The following FGF2 variants were observed in gnomAD, a reference collection of about 807,000 sequenced individuals.
The protein encoded by FGF2 is fibroblast growth factor 2.
FGF2 carries 13 observed loss-of-function variants against 15.9 expected under a neutral mutation model. That is an observed-to-expected ratio of 0.82 (90% CI 0.53 to 1.30). FGF2 has a LOEUF of 1.30. Ranked by LOEUF, FGF2 falls within the 50% of genes most tolerant of loss-of-function variation. FGF2 has a pLI of 0.00. For synonymous variants in FGF2, 90 were observed against 78.4 expected (o/e 1.15, Z -0.78); for missense variants, 163 against 196.9 (o/e 0.83, Z 1.03).
chr4:122,881,485 C>T (rs993203005), intron 2 of FGF2, among the ~76,000 whole-genome samples: 10 of 152,196 alleles, frequency 6.6e-5, no homozygotes, highest in Non-Finnish European at 1.0e-4. Flanking sequence ...TAAATCATAT[C>T]TCTCAAGTTC....
chr4:122,829,300 T>G (rs1725711355), intron 1 of FGF2, among the ~76,000 whole-genome samples: 1 of 152,216 alleles, frequency 6.6e-6, no homozygotes, highest in Non-Finnish European at 1.5e-5. Context: ...AGGGGACATT[T>G]GACAATGCCT....
At chr4:122,870,313 G>A (rs1009351021) in intron 1 of FGF2, among the ~76,000 whole-genome samples, 1 of 152,136 alleles carries the variant, frequency 6.6e-6, no homozygotes, top group African/African-American at 2.4e-5. Context: ...GTCTCTTCTT[G>A]GTTTGGTATC....
At chr4:122,859,921 T>C (rs1726427260) in intron 1 of FGF2, among the ~76,000 whole-genome samples, 1 of 152,252 alleles carries the variant, frequency 6.6e-6, no homozygotes, top group Non-Finnish European at 1.5e-5. Context: ...TTCAGTTTTA[T>C]ATTACCTGTC....
rs1282743562 is a variant in FGF2 at position 122,894,624 on chromosome 4, T to G, written c.*2228T>G. 1 of 152,120 alleles carries G rather than the reference T, an allele frequency of 6.6e-6. No homozygotes were observed. The highest frequency in any genetic ancestry group is 1.5e-5 in the Non-Finnish European group (1 of 68,028). 9.4% of individuals were successfully genotyped at this position (152,120 alleles called of 1,614,324 possible). On this transcript the variant is annotated 3_prime_UTR_variant, in exon 3 of 3. Coordinates refer to ENST00000644866, the MANE Select transcript of FGF2 (RefSeq NM_001361665.2). Reference sequence around the variant, plus strand: ...ATTTTCCTTAATAAGAAAAGTAATTTTTACTCTGATGTGCAATACATTTGT... The same window carrying G: ...ATTTTCCTTAATAAGAAAAGTAATTGTTACTCTGATGTGCAATACATTTGT...
Position 122,877,150 on chromosome 4 carries a change from C to T in FGF2, c.282+726C>T, listed in dbSNP as rs184744873. 1.9e-3 allele frequency among the ~76,000 whole-genome samples: 292 copies of T among 150,592 alleles called. 1 individual carries two copies. Among genetic ancestry groups the T allele is most frequent in the African/African-American group, 6.7e-3 (276 of 40,932 alleles). ...TTTGAGATGGAGTCTCACTCCACTG[C>T]GCAGACTGGAGTGCAGTGGCGTAAT... On this transcript the variant is annotated intron_variant, in intron 2 of 2. Coordinates refer to ENST00000644866, the MANE Select transcript of FGF2 (RefSeq NM_001361665.2).
chr4:122,847,932 T>C (rs1726150207), intron 1 of FGF2, among the ~76,000 whole-genome samples: 1 of 152,234 alleles, frequency 6.6e-6, no homozygotes, highest in Non-Finnish European at 1.5e-5. Flanking sequence ...AATGTAAATT[T>C]CATTCTAAAA....
chr4:122,847,513 G>A (rs1726136776), intron 1 of FGF2, among the ~76,000 whole-genome samples: 1 of 152,112 alleles, frequency 6.6e-6, no homozygotes, highest in Non-Finnish European at 1.5e-5. Context: ...CCTGGGGCTG[G>A]GACTGATGAC....
chr4:122,866,122 C>A (rs940974721), intron 1 of FGF2, among the ~76,000 whole-genome samples: 6 of 152,156 alleles, frequency 3.9e-5, no homozygotes, highest in Non-Finnish European at 5.9e-5. Flanking sequence ...GTAATCCCAG[C>A]ACTTTGGGAG....
intron 2 of FGF2, 150 bp downstream of exon 2, chr4:122,876,574 A>G (rs528681281): frequency 4.3e-6 from 3 of 690,814 alleles, no homozygotes; most frequent in Non-Finnish European, 7.9e-6. Context: ...TCTTTATTTC[A>G]CAGATGCAAA....
intron 1 of FGF2, among the ~76,000 whole-genome samples, chr4:122,851,298 A>G (rs1035584447): frequency 5.9e-5 from 9 of 152,232 alleles, no homozygotes; most frequent in Admixed American, 1.3e-4. Flanking sequence ...TCTTTAGCAG[A>G]GAAGTCCAGA....
intron 1 of FGF2, among the ~76,000 whole-genome samples, chr4:122,832,685 C>T (rs993777648): frequency 2.6e-5 from 4 of 152,138 alleles, no homozygotes; most frequent in Non-Finnish European, 5.9e-5. Context: ...TGTCAGTGCT[C>T]AATAAATAGT....
chr4:122,890,047 C>A (rs1020357845), intron 2 of FGF2: 1 of 152,154 alleles, frequency 6.6e-6, no homozygotes, highest in Non-Finnish European at 1.5e-5. Context: ...TTTCCTTTCA[C>A]TCTTTGTTTC....
At chr4:122,862,363 C>CTTAG (rs1726489396) in intron 1 of FGF2, among the ~76,000 whole-genome samples, 2 of 152,144 alleles carry the variant, frequency 1.3e-5, no homozygotes, top group African/African-American at 2.4e-5. Context: ...GATTCATCAT[C>CTTAG]CTGGGGCATA....
intron 1 of FGF2, among the ~76,000 whole-genome samples, chr4:122,832,715 TA>T: frequency 6.6e-6 from 1 of 152,256 alleles, no homozygotes; most frequent in South Asian, 2.1e-4. Flanking sequence ...ATTGTTTGCA[TA>T]ATAATTTGGA....
intron 1 of FGF2, among the ~76,000 whole-genome samples, chr4:122,867,770 C>T (rs1160949661): frequency 6.6e-6 from 1 of 152,162 alleles, no homozygotes; most frequent in Admixed American, 6.5e-5. Context: ...GCTGTTCACA[C>T]CTTCCATATT....
intron 1 of FGF2, among the ~76,000 whole-genome samples, chr4:122,837,260 G>T (rs1379904459): frequency 6.6e-6 from 1 of 152,166 alleles, no homozygotes; most frequent in Non-Finnish European, 1.5e-5. Context: ...GTGGGTGGGA[G>T]AAATTACTGA....
chr4:122,858,751 C>T (rs182035982), intron 1 of FGF2, among the ~76,000 whole-genome samples: 4 of 152,072 alleles, frequency 2.6e-5, no homozygotes, highest in African/African-American at 7.2e-5. Flanking sequence ...ATGCATTAAA[C>T]GGTTTTCAGT....
intron 2 of FGF2, 59 bp downstream of exon 2, chr4:122,876,483 C>A: frequency 9.8e-7 from 1 of 1,020,554 alleles, no homozygotes; most frequent in Non-Finnish European, 1.6e-6. Context: ...GTTAATTTAC[C>A]AGCATTGTTG....
At position 122,829,554 on chromosome 4, in the gene FGF2, T is replaced by A. The variant is rs181401079; in HGVS notation, c.178+2202T>A. Among the ~76,000 whole-genome samples the A allele has an allele frequency of 5.0e-3, 766 of 152,322 alleles. 7 individuals are homozygous for A. Among genetic ancestry groups the A allele is most frequent in the African/African-American group, 0.017 (725 of 41,568 alleles). ...GACTTGTGGAGACTACCAATTTTTT[T>A]AAAATTTTTTATTTCTATAGGGTTT... On this transcript the variant is annotated intron_variant, in intron 1 of 2. Coordinates refer to ENST00000644866, the MANE Select transcript of FGF2 (RefSeq NM_001361665.2).
Sources: gnomAD v4.1 joint callset for allele counts (sites outside exome capture counted in the v4.1 genomes callset) on GRCh38, gnomAD v4.1.1 for gene constraint, MANE v1.5 for transcripts, NCBI Gene and HGNC (gene_info 2026-07-23, HGNC 2026-07-21) for gene names.